GPC6: variants seen among roughly 807,000 people sequenced by gnomAD.
GPC6 encodes glypican 6, also known as glypican-6.
A neutral mutation model predicts 55.2 loss-of-function variants in GPC6; 14 were observed. That is an observed-to-expected ratio of 0.25 (90% CI 0.17 to 0.40). GPC6 has a LOEUF of 0.40. Among genes scored for constraint, GPC6 ranks in the 10% least tolerant of loss-of-function variants. GPC6 has a pLI of 1.00. For synonymous variants in GPC6, 278 were observed against 259.6 expected (o/e 1.07, Z -0.68); for missense variants, 641 against 708.5 (o/e 0.90, Z 1.08).
chr13:94,313,767 A>T (rs1032569666), intron 6 of GPC6, among the ~76,000 whole-genome samples: 1 of 152,224 alleles, frequency 6.6e-6, no homozygotes, highest in African/African-American at 2.4e-5. Context: ...ACTCTGGATT[A>T]AACTCTCCTT....
At chr13:93,301,891 G>T (rs1176144889) in intron 1 of GPC6, among the ~76,000 whole-genome samples, 3 of 152,168 alleles carry the variant, frequency 2.0e-5, no homozygotes, top group Non-Finnish European at 2.9e-5. Context: ...CACGTGAAGA[G>T]CCCCGATGGA....
intron 1 of GPC6, among the ~76,000 whole-genome samples, chr13:93,456,721 G>T (rs1330331213): frequency 1.3e-5 from 2 of 152,040 alleles, no homozygotes; most frequent in Non-Finnish European, 2.9e-5. Flanking sequence ...AAGGAATAAG[G>T]GTGTCAGCAG....
chr13:94,151,127 A>C lies in GPC6; in HGVS notation c.877+123233A>C, dbSNP rs184711030. Among the ~76,000 whole-genome samples, 15 of 152,172 alleles carry C rather than the reference A, an allele frequency of 9.9e-5. No individual in the cohort carries two copies. In the East Asian group the frequency reaches 2.9e-3, roughly 29 times the overall value. On this transcript the variant is annotated intron_variant, in intron 4 of 8. Transcript: ENST00000377047. Reference sequence around the variant, plus strand: ...AGACACCAAGATAAAGAGCATTTCCATGAAGTGAGGTAGAGGCAGGTGTGG... The same window carrying C: ...AGACACCAAGATAAAGAGCATTTCCCTGAAGTGAGGTAGAGGCAGGTGTGG...
At chr13:93,919,816 G>T (rs909556210) in intron 3 of GPC6, among the ~76,000 whole-genome samples, 1 of 152,092 alleles carries the variant, frequency 6.6e-6, no homozygotes, top group African/African-American at 2.4e-5. Context: ...CACAGGCCAG[G>T]AATAAAAGGG....
intron 6 of GPC6, among the ~76,000 whole-genome samples, chr13:94,316,782 C>A (rs1213611119): frequency 1.3e-5 from 2 of 151,530 alleles, no homozygotes; most frequent in Non-Finnish European, 2.9e-5. Flanking sequence ...TCTTTCAGAT[C>A]CAGACAATAT....
chr13:93,599,286 T>TAAA (rs66801721), intron 2 of GPC6, among the ~76,000 whole-genome samples: 6 of 139,388 alleles, frequency 4.3e-5, no homozygotes, highest in African/African-American at 1.6e-4. Context: ...CAAATATTGG[T>TAAA]AAAAAAAAAA....
intron 2 of GPC6, among the ~76,000 whole-genome samples, chr13:93,628,021 T>G: frequency 6.6e-6 from 1 of 152,220 alleles, no homozygotes; most frequent in East Asian, 1.9e-4. Context: ...AATAACCTGC[T>G]TCCAGCCCAT....
intron 4 of GPC6, among the ~76,000 whole-genome samples, chr13:94,075,049 TATA>T (rs942638810): frequency 6.6e-6 from 1 of 152,230 alleles, no homozygotes; most frequent in Non-Finnish European, 1.5e-5. Flanking sequence ...TATAAATTTG[TATA>T]AACCCCTAAG....
chr13:94,044,686 TG>T (rs1225734640), intron 4 of GPC6, among the ~76,000 whole-genome samples: 1 of 151,910 alleles, frequency 6.6e-6, no homozygotes, highest in African/African-American at 2.4e-5. Context: ...TATGTGGTTT[TG>T]TTAAGTGTTA....
At chr13:94,131,942 T>C (rs116104933) in intron 4 of GPC6, among the ~76,000 whole-genome samples, 18 of 152,218 alleles carry the variant, frequency 1.2e-4, no homozygotes, top group African/African-American at 4.3e-4. Context: ...AAATCTTAGA[T>C]TATTGTGCAC....
At chr13:93,873,737 C>A (rs1458948985) in intron 3 of GPC6, among the ~76,000 whole-genome samples, 2 of 151,944 alleles carry the variant, frequency 1.3e-5, no homozygotes, top group African/African-American at 2.4e-5. Flanking sequence ...CAGAGTCTAT[C>A]TGAAGACTTT....
At chr13:93,973,676 G>T (rs746557779) in intron 3 of GPC6, among the ~76,000 whole-genome samples, 10 of 152,120 alleles carry the variant, frequency 6.6e-5, no homozygotes, top group Non-Finnish European at 1.5e-5. Flanking sequence ...CTAAAGATTT[G>T]AGTGCCTTTC....
chr13:94,296,619 G>C (rs941207128), intron 5 of GPC6, among the ~76,000 whole-genome samples: 2 of 152,154 alleles, frequency 1.3e-5, no homozygotes, highest in African/African-American at 4.8e-5. Context: ...TATGCAATCT[G>C]GTTTGGTTCT....
At position 94,168,695 on chromosome 13, in the gene GPC6, A is replaced by G. The variant is rs1325399752; in HGVS notation, c.878-117654A>G. Among the ~76,000 whole-genome samples the G allele has an allele frequency of 3.4e-5, 5 of 148,056 alleles. No individual in the cohort carries two copies. In the East Asian group the frequency reaches 7.8e-4, roughly 23 times the overall value. On this transcript the variant is annotated intron_variant, in intron 4 of 8. Coordinates refer to ENST00000377047, the MANE Select transcript of GPC6 (RefSeq NM_005708.5). Reference sequence around the variant, plus strand: ...TAAATACATATTTGTATATGCATTTATATATTTATAAATATATATAAAATA... The same window carrying G: ...TAAATACATATTTGTATATGCATTTGTATATTTATAAATATATATAAAATA...
At chr13:93,679,521 G>A (rs1436130648) in intron 2 of GPC6, among the ~76,000 whole-genome samples, 3 of 152,040 alleles carry the variant, frequency 2.0e-5, no homozygotes, top group Non-Finnish European at 4.4e-5. Context: ...TGTTCATGTT[G>A]GTTTTGACCT....
chr13:93,597,236 G>A (rs1388600667), intron 2 of GPC6, among the ~76,000 whole-genome samples: 1 of 152,066 alleles, frequency 6.6e-6, no homozygotes, highest in Non-Finnish European at 1.5e-5. Context: ...CAAAGGCATA[G>A]GCACACTATG....
chr13:94,125,828 G>C lies in GPC6; in HGVS notation c.877+97934G>C, dbSNP rs887820508. On this transcript the variant is annotated intron_variant, in intron 4 of 8. Transcript: ENST00000377047. ...CTTAAAAGTTACATTATAAACTCCA[G>C]ACCTTTCATACACATAATAAGGTTC... Among the ~76,000 whole-genome samples the C allele has an allele frequency of 4.0e-5, 6 of 151,820 alleles. 1 individual carries two copies.
At chr13:93,652,181 A>G (rs1434751207) in intron 2 of GPC6, among the ~76,000 whole-genome samples, 1 of 152,176 alleles carries the variant, frequency 6.6e-6, no homozygotes, top group African/African-American at 2.4e-5. Context: ...TTGTCTAAAG[A>G]TTTTATAGAA....
At chr13:93,689,955 T>C (rs1882196703) in intron 2 of GPC6, among the ~76,000 whole-genome samples, 1 of 152,140 alleles carries the variant, frequency 6.6e-6, no homozygotes, top group Non-Finnish European at 1.5e-5. Context: ...AGATTGCTTA[T>C]GCATTTCTGT....
Sources: gnomAD v4.1 joint callset for allele counts (sites outside exome capture counted in the v4.1 genomes callset) on GRCh38, gnomAD v4.1.1 for gene constraint, MANE v1.5 for transcripts, NCBI Gene and HGNC (gene_info 2026-07-23, HGNC 2026-07-21) for gene names.